The following RORA variants were observed in gnomAD, a reference collection of about 807,000 sequenced individuals.
RORA encodes nuclear receptor ROR-alpha.
A neutral mutation model predicts 69.5 loss-of-function variants in RORA; 7 were observed. The observed-to-expected ratio is 0.10, with a 90% CI of 0.06 to 0.19. The LOEUF is 0.19. Ranked by LOEUF, RORA falls within the 10% of genes least tolerant of loss-of-function variation. RORA has a pLI of 1.00. For missense variants in RORA, 457 were observed against 663.0 expected (o/e 0.69, Z 3.41); for synonymous variants, 261 against 240.8 (o/e 1.08, Z -0.78).
chr15:61,227,424 G>A (rs2080157282), intron 1 of RORA, among the ~76,000 whole-genome samples: 4 of 151,418 alleles, frequency 2.6e-5, no homozygotes, highest in Admixed American at 1.3e-4. Context: ...CCCAGCCCTC[G>A]CCGCCCCCCT....
intron 2 of RORA, among the ~76,000 whole-genome samples, chr15:60,601,420 G>A (rs568187219): frequency 6.6e-6 from 1 of 152,250 alleles, no homozygotes; most frequent in East Asian, 1.9e-4. Flanking sequence ...TAACTCTTGA[G>A]GGAAGTTTAT....
chr15:60,703,872 G>GA (rs200885415), intron 1 of RORA, among the ~76,000 whole-genome samples: 2,774 of 128,008 alleles, frequency 0.022, 93 homozygotes, highest in East Asian at 0.18. Flanking sequence ...AAGGAAGAAA[G>GA]AAAAAAAAAA....
intron 1 of RORA, among the ~76,000 whole-genome samples, chr15:60,815,819 T>C (rs983005174): frequency 6.7e-6 from 1 of 150,266 alleles, no homozygotes; most frequent in Non-Finnish European, 1.5e-5. Context: ...TTATATTTCA[T>C]TGACAATAAT....
intron 1 of RORA, among the ~76,000 whole-genome samples, chr15:60,717,444 C>T (rs1447368418): frequency 6.6e-6 from 1 of 152,140 alleles, no homozygotes; most frequent in Non-Finnish European, 1.5e-5. Flanking sequence ...ATCCATGGTC[C>T]CAGCAGGAAA....
At chr15:61,145,262 A>C (rs1370738555) in intron 1 of RORA, among the ~76,000 whole-genome samples, 1 of 152,228 alleles carries the variant, frequency 6.6e-6, no homozygotes, top group African/African-American at 2.4e-5. Context: ...CTGATATACT[A>C]CTGTGTGCCT....
At chr15:61,167,230 A>T (rs1174959732) in intron 1 of RORA, among the ~76,000 whole-genome samples, 1 of 152,184 alleles carries the variant, frequency 6.6e-6, no homozygotes, top group Non-Finnish European at 1.5e-5. Flanking sequence ...GAATTACTTT[A>T]AAAGATTTTT....
intron 2 of RORA, among the ~76,000 whole-genome samples, chr15:60,557,601 G>A (rs1419680898): frequency 1.3e-5 from 2 of 152,210 alleles, no homozygotes; most frequent in East Asian, 3.8e-4. Flanking sequence ...AGTTGGTCAA[G>A]TCTACTTGTA....
rs1567115658 is a variant in RORA, at chr15:60,597,619, CATACATATATATACAT to C, written c.197-65784_197-65769del. On this transcript the variant is annotated intron_variant, in intron 2 of 10. Coordinates refer to ENST00000335670, the MANE Select transcript of RORA (RefSeq NM_134261.3). ...ACACATATATATATATATATATATA[CATACATATATATACAT>C]ATATATATATATATGTAAGCAAACA... 5.6e-3 allele frequency among the ~76,000 whole-genome samples: 114 copies of C among 20,412 alleles called. 12 individuals are homozygous for C. The highest frequency in any genetic ancestry group is 0.018 in the African/African-American group (110 of 5,946). The allele number at this position is 20,412 out of a possible 152,430, so 13.4% of individuals were successfully genotyped here.
At chr15:61,192,257 G>A (rs1174668047) in intron 1 of RORA, among the ~76,000 whole-genome samples, 1 of 152,226 alleles carries the variant, frequency 6.6e-6, no homozygotes, top group African/African-American at 2.4e-5. Flanking sequence ...TAGTCATTCT[G>A]TAAATTAATG....
chr15:60,728,238 G>A (rs1595664987), intron 1 of RORA, among the ~76,000 whole-genome samples: 1 of 152,048 alleles, frequency 6.6e-6, no homozygotes, highest in Non-Finnish European at 1.5e-5. Flanking sequence ...GTCTCATTAT[G>A]TCACCCAGGC....
chr15:60,511,201 C>T lies in RORA; in HGVS notation c.820+25G>A. On this transcript the variant is annotated intron_variant, in intron 5 of 10. Transcript: ENST00000335670. The surrounding 1 kb of genome is among the most constrained non-coding windows in gnomAD (Gnocchi z 6.4). The stretch of plus-strand genomic sequence containing the variant: ...CTTCAAAGGGCATGAATAGAGCATC[C>T]CAGGAGAAGCATGCATGCCATTACC... 1.3e-6 allele frequency: 2 copies of T among 1,593,250 alleles called. No individual in the cohort carries two copies. The highest frequency in any genetic ancestry group is 2.2e-5 in the East Asian group (1 of 44,770).
intron 3 of RORA, among the ~76,000 whole-genome samples, chr15:60,519,231 T>C (rs1478978684): frequency 6.6e-6 from 1 of 152,184 alleles, no homozygotes; most frequent in Non-Finnish European, 1.5e-5. Context: ...GGTACCTGAT[T>C]AAAACAAATC....
chr15:60,523,576 A>G (rs1238956738), intron 3 of RORA, among the ~76,000 whole-genome samples: 2 of 152,204 alleles, frequency 1.3e-5, no homozygotes, highest in African/African-American at 4.8e-5. Context: ...CTGTGTCACC[A>G]GCTCTCCATC....
intron 2 of RORA, among the ~76,000 whole-genome samples, chr15:60,667,521 A>T (rs2070397686): frequency 6.6e-6 from 1 of 152,232 alleles, no homozygotes; most frequent in Non-Finnish European, 1.5e-5. Flanking sequence ...TGGTGTGGAC[A>T]ATAAAAAACC....
At position 60,967,618 on chromosome 15, in the gene RORA, A is replaced by T. The variant is rs565926110; in HGVS notation, c.166+261435T>A. Among the ~76,000 whole-genome samples, 10 of 152,342 alleles carry T rather than the reference A, an allele frequency of 6.6e-5. No homozygotes were observed. The East Asian group carries it at 1.9e-3, about 29-fold the overall frequency. ...ACCATGCAAGTGCCATAGGAAACAG[A>T]CTTTGGCATTTGAGCTGCTCACAGT... On this transcript the variant is annotated intron_variant, in intron 1 of 10. Coordinates refer to ENST00000335670, the MANE Select transcript of RORA (RefSeq NM_134261.3).
chr15:61,190,510 C>T (rs991912590), intron 1 of RORA, among the ~76,000 whole-genome samples: 4 of 152,286 alleles, frequency 2.6e-5, no homozygotes, highest in South Asian at 2.1e-4. Context: ...CCAATAACTC[C>T]AGCACTTTGG....
intron 1 of RORA, among the ~76,000 whole-genome samples, chr15:60,947,560 G>A (rs1010089999): frequency 1.3e-4 from 20 of 151,846 alleles, no homozygotes; most frequent in African/African-American, 4.8e-4. Flanking sequence ...ACTGCGGAAG[G>A]CCCCAGGGTC....
At chr15:61,184,474 C>A (rs531448292) in intron 1 of RORA, among the ~76,000 whole-genome samples, 78 of 152,306 alleles carry the variant, frequency 5.1e-4, no homozygotes, top group Non-Finnish European at 8.4e-4. Context: ...TTAATCACTT[C>A]CTGCTCTGTG....
intron 1 of RORA, among the ~76,000 whole-genome samples, chr15:60,945,843 A>G (rs1314596807): frequency 6.6e-6 from 1 of 152,230 alleles, no homozygotes; most frequent in Admixed American, 6.5e-5. Flanking sequence ...AAGAGCCAGA[A>G]GCAAGCTAAC....
Sources: gnomAD v4.1 joint callset for allele counts (sites outside exome capture counted in the v4.1 genomes callset) on GRCh38, gnomAD v4.1.1 for gene constraint, Gnocchi (gnomAD v3.1) non-coding constraint, MANE v1.5 for transcripts, NCBI Gene and HGNC (gene_info 2026-07-23, HGNC 2026-07-21) for gene names.